Variants in ARHGEF38 observed in about 807,000 individuals in gnomAD.
The protein encoded by ARHGEF38 is Rho guanine nucleotide exchange factor 38, also known as Rho guanine nucleotide exchange factor (GEF) 38.
ARHGEF38 carries 79 observed loss-of-function variants against 79.9 expected under a neutral mutation model. The ratio of observed to expected loss-of-function variants is 0.99; its 90% confidence interval spans 0.82 to 1.19. The LOEUF is 1.19. ARHGEF38 is among the 50% of genes most tolerant of loss of function. The pLI is 0.00. For missense variants in ARHGEF38, 962 were observed against 907.2 expected (o/e 1.06, Z -0.78); for synonymous variants, 366 against 328.3 (o/e 1.11, Z -1.24).
At chr4:105,629,302 C>T (rs2110514968) in intron 3 of ARHGEF38, among the ~76,000 whole-genome samples, 1 of 152,256 alleles carries the variant, frequency 6.6e-6, no homozygotes, top group Non-Finnish European at 1.5e-5. Flanking sequence ...AATACAGCCT[C>T]TAATTCTGCC....
intron 1 of ARHGEF38, among the ~76,000 whole-genome samples, chr4:105,580,022 G>A (rs114165563): frequency 0.072 from 10,985 of 152,194 alleles, 718 homozygotes; most frequent in East Asian, 0.31. Context: ...TGTGCATTGT[G>A]TGTTCAGAAT....
intron 3 of ARHGEF38, among the ~76,000 whole-genome samples, chr4:105,614,324 C>A (rs17035987): frequency 6.6e-6 from 1 of 152,080 alleles, no homozygotes; most frequent in Middle Eastern, 3.2e-3. Flanking sequence ...CGTAGAGTAA[C>A]GGTAAAATTT....
chr4:105,679,806 CAG>C lies in ARHGEF38; in HGVS notation c.*1875_*1876del. On this transcript the variant is annotated 3_prime_UTR_variant, in exon 14 of 14. Transcript: ENST00000420470. ...GTCTGTCCAGCTTTACCCACGCATC[CAG>C]AGAGATGGATATAGGACTCAATATC... 1 of 1,172,814 alleles carries C rather than the reference CAG, an allele frequency of 8.5e-7. No individual in the cohort carries two copies. Among genetic ancestry groups the C allele is most frequent in the East Asian group, 2.3e-5 (1 of 42,698 alleles). The allele number at this position is 1,172,814 out of a possible 1,614,324, so 72.7% of individuals were successfully genotyped here. A position where few individuals can be genotyped will look rare whatever the true frequency, so the allele number is the denominator to read the frequency against.
chr4:105,555,847 T>C (rs1285628594), intron 1 of ARHGEF38, among the ~76,000 whole-genome samples: 2 of 152,220 alleles, frequency 1.3e-5, no homozygotes, highest in African/African-American at 2.4e-5. Flanking sequence ...TAACTCATGA[T>C]ACCTAGTCTA....
chr4:105,643,746 G>A (rs1163801738), intron 5 of ARHGEF38, among the ~76,000 whole-genome samples: 2 of 151,988 alleles, frequency 1.3e-5, no homozygotes, highest in Non-Finnish European at 2.9e-5. Context: ...AGTGACTAGT[G>A]TATGTTTGTG....
intron 4 of ARHGEF38, chr4:105,631,320 A>T: frequency 9.3e-7 from 1 of 1,069,832 alleles, no homozygotes; most frequent in Non-Finnish European, 1.1e-6. Flanking sequence ...TGTGGAAGAA[A>T]AGCCTCTTCT....
At chr4:105,647,477 A>G (rs953501479) in intron 6 of ARHGEF38, among the ~76,000 whole-genome samples, 7 of 152,194 alleles carry the variant, frequency 4.6e-5, no homozygotes, top group African/African-American at 1.7e-4. Context: ...CTCTAAGGAT[A>G]AATATATAGA....
At position 105,605,031 on chromosome 4, in the gene ARHGEF38, A is replaced by G. The variant is rs1727982114; in HGVS notation, c.385-8353A>G. Among the ~76,000 whole-genome samples, 3 of 152,248 alleles carry G rather than the reference A, an allele frequency of 2.0e-5. No individual in the cohort carries two copies. The South Asian group carries it at 6.2e-4, about 32-fold the overall frequency. ...AAATATACTAGCCCTCCAGCTCAAAAGACCTATTTTTTAGCAGGACTGTTT... is the reference window on the plus strand; with the variant it reads ...AAATATACTAGCCCTCCAGCTCAAAGGACCTATTTTTTAGCAGGACTGTTT... On this transcript the variant is annotated intron_variant, in intron 2 of 13. Transcript: ENST00000420470.
rs10032241 is a variant in ARHGEF38 at position 105,552,921 on chromosome 4, G to C, written c.156G>C (p.Arg52Ser). ...VSGDHSGTLR[R>S]SQSDRTEYNQ... is the part of the protein sequence containing the mutation. ...GGGACCACTCTGGCACCTTGAGGAG[G>C]AGCCAATCTGACAGGACCGAATACA... The change falls in exon 1 of 14, where the codon AGG (arginine) becomes AGC (serine). Residue 52 changes from arginine (R) to serine (S), a missense_variant. Transcript: ENST00000420470. 2 of 1,613,026 alleles carry C rather than the reference G, an allele frequency of 1.2e-6. No homozygotes were observed. The highest frequency in any genetic ancestry group is 2.2e-5 in the South Asian group (2 of 90,932).
intron 5 of ARHGEF38, among the ~76,000 whole-genome samples, 180 bp downstream of exon 5, chr4:105,636,600 C>T (rs1193779051): frequency 6.6e-6 from 1 of 151,948 alleles, no homozygotes. Context: ...AAATTATTAT[C>T]ACATATACTT....
intron 6 of ARHGEF38, among the ~76,000 whole-genome samples, chr4:105,646,841 TTA>T (rs200117859): frequency 2.5e-4 from 37 of 146,450 alleles, no homozygotes; most frequent in African/African-American, 7.9e-4. Context: ...GGTTTTTTTT[TTA>T]AAGTAAATTT....
chr4:105,559,418 CA>C (rs1262220522), intron 1 of ARHGEF38, among the ~76,000 whole-genome samples: 3 of 152,056 alleles, frequency 2.0e-5, no homozygotes, highest in Non-Finnish European at 4.4e-5. Context: ...GGAGCTTGAT[CA>C]TGCTGGAGTG....
At chr4:105,638,152 A>G (rs1048248974) in intron 5 of ARHGEF38, among the ~76,000 whole-genome samples, 1 of 152,192 alleles carries the variant, frequency 6.6e-6, no homozygotes, top group African/African-American at 2.4e-5. Context: ...TAAGAGTACA[A>G]GATGTGGGTT....
rs770263790 is a variant in ARHGEF38 at position 105,648,701 on chromosome 4, C to T, written c.1008+19C>T. The T allele has an allele frequency of 6.7e-7, 1 of 1,495,802 alleles. No homozygotes were observed. Among genetic ancestry groups the T allele is most frequent in the South Asian group, 1.3e-5 (1 of 76,670 alleles). 92.7% of individuals were successfully genotyped at this position (1,495,802 alleles called of 1,614,324 possible). On this transcript the variant is annotated intron_variant, in intron 7 of 13. Transcript: ENST00000420470. Reference sequence around the variant, plus strand: ...ATCACAGGTAATTTTTCTTCTTGGACCACCCACCTTTTCCCAGGGAACATG... The same window carrying T: ...ATCACAGGTAATTTTTCTTCTTGGATCACCCACCTTTTCCCAGGGAACATG...
At chr4:105,636,158 T>A (rs1729389082) in intron 4 of ARHGEF38, among the ~76,000 whole-genome samples, 2 of 152,024 alleles carry the variant, frequency 1.3e-5, no homozygotes, top group South Asian at 4.1e-4. Context: ...CCCACAGTGA[T>A]CAGATAATAA....
At chr4:105,611,294 A>G (rs565235298) in intron 2 of ARHGEF38, among the ~76,000 whole-genome samples, 23 of 152,238 alleles carry the variant, frequency 1.5e-4, no homozygotes, top group African/African-American at 5.1e-4. Flanking sequence ...GATTTATTTC[A>G]AAAATGATTT....
intron 13 of ARHGEF38, among the ~76,000 whole-genome samples, chr4:105,672,021 G>A (rs1730973122): frequency 6.6e-6 from 1 of 151,924 alleles, no homozygotes; most frequent in South Asian, 2.1e-4. Context: ...ATACTCAGGG[G>A]GTATCTTTGG....
chr4:105,565,787 ATTTC>A (rs1201578697), intron 1 of ARHGEF38, among the ~76,000 whole-genome samples: 2 of 152,016 alleles, frequency 1.3e-5, no homozygotes, highest in Non-Finnish European at 2.9e-5. Context: ...GTTGTTCCCT[ATTTC>A]TTTAAATGGC....
intron 2 of ARHGEF38, among the ~76,000 whole-genome samples, chr4:105,596,493 C>A (rs746850252): frequency 5.3e-5 from 8 of 152,030 alleles, no homozygotes; most frequent in Non-Finnish European, 7.4e-5. Flanking sequence ...TGAAAGGAGA[C>A]AGGGAGGAGG....
Sources: allele counts gnomAD v4.1 joint callset (sites outside exome capture counted in the v4.1 genomes callset), GRCh38; gene constraint gnomAD v4.1.1; transcripts MANE v1.5; gene names NCBI Gene and HGNC (gene_info 2026-07-23, HGNC 2026-07-21).